The following ATP2B2 variants were observed in gnomAD, a reference collection of about 807,000 sequenced individuals.
The protein encoded by ATP2B2 is plasma membrane calcium-transporting ATPase 2.
ATP2B2 carries 15 observed loss-of-function variants against 120.0 expected under a neutral mutation model. The ratio of observed to expected loss-of-function variants is 0.12; its 90% CI spans 0.08 to 0.19. The LOEUF (loss-of-function observed/expected upper bound fraction) is 0.19, where lower values mean the gene tolerates loss of function less well. Ranked by LOEUF, ATP2B2 falls within the 10% of genes least tolerant of loss-of-function variation. The pLI, the probability that ATP2B2 is intolerant of heterozygous loss-of-function variation, is 1.00. For missense variants in ATP2B2, 1,045 were observed against 1,719.8 expected (o/e 0.61, Z 6.94); for synonymous variants, 694 against 700.3 (o/e 0.99, Z 0.14).
chr3:10,412,348 G>A (rs2062640124), intron 2 of ATP2B2, among the ~76,000 whole-genome samples: 1 of 152,188 alleles, frequency 6.6e-6, no homozygotes, highest in African/African-American at 2.4e-5. Flanking sequence ...GCGTGGCTCT[G>A]GTGGGGAAGA....
At chr3:10,657,274 G>A (rs148664898) in intron 1 of ATP2B2, among the ~76,000 whole-genome samples, 25 of 152,288 alleles carry the variant, frequency 1.6e-4, no homozygotes, top group African/African-American at 6.0e-4. Context: ...TGCACATGCC[G>A]TTCCCTCTTC....
At chr3:10,331,868 C>G in intron 22 of ATP2B2, 1 of 1,033,646 alleles carries the variant, frequency 9.7e-7, no homozygotes, top group Non-Finnish European at 1.4e-6. Flanking sequence ...AGAAAACGCA[C>G]AGGCCCTGGT....
intron 3 of ATP2B2, among the ~76,000 whole-genome samples, chr3:10,517,257 C>A (rs1037675552): frequency 1.3e-5 from 2 of 152,328 alleles, no homozygotes; most frequent in East Asian, 3.9e-4. Context: ...GGCGGGGAAC[C>A]TGCAAGTGTC....
intron 2 of ATP2B2, among the ~76,000 whole-genome samples, chr3:10,414,868 C>T (rs1028450737): frequency 6.6e-6 from 1 of 151,962 alleles, no homozygotes; most frequent in African/African-American, 2.4e-5. Context: ...GAAATAACAA[C>T]TCAGGGCATA....
intron 2 of ATP2B2, among the ~76,000 whole-genome samples, chr3:10,436,539 C>G (rs2063485251): frequency 6.6e-6 from 1 of 152,220 alleles, no homozygotes; most frequent in Admixed American, 6.5e-5. Context: ...ATACAAGGAC[C>G]AAAAGAAGCT....
chr3:10,549,489 G>A (rs2067622118), intron 2 of ATP2B2, among the ~76,000 whole-genome samples: 1 of 152,158 alleles, frequency 6.6e-6, no homozygotes, highest in Admixed American at 6.5e-5. Flanking sequence ...CTCAATGTGT[G>A]TTATCTGTAA....
chr3:10,545,672 T>A (rs899136878), intron 2 of ATP2B2, among the ~76,000 whole-genome samples: 1 of 152,252 alleles, frequency 6.6e-6, no homozygotes, highest in Non-Finnish European at 1.5e-5. Context: ...TAATTGGGAA[T>A]GCAGACATCA....
chr3:10,686,973 G>A (rs2071538646), intron 1 of ATP2B2, among the ~76,000 whole-genome samples: 1 of 152,218 alleles, frequency 6.6e-6, no homozygotes, highest in Non-Finnish European at 1.5e-5. Flanking sequence ...GGATATTAGA[G>A]AGGCACAGTT....
At chr3:10,662,354 C>G (rs2070807255) in intron 1 of ATP2B2, among the ~76,000 whole-genome samples, 1 of 150,550 alleles carries the variant, frequency 6.6e-6, no homozygotes, top group Non-Finnish European at 1.5e-5. Context: ...TGACAAAGGG[C>G]TAATATCCAG....
intron 2 of ATP2B2, among the ~76,000 whole-genome samples, chr3:10,590,065 G>A (rs1165632032): frequency 6.6e-6 from 1 of 152,162 alleles, no homozygotes; most frequent in Admixed American, 6.5e-5. Flanking sequence ...ACTACCTCTG[G>A]TGCATCCCTC....
intron 12 of ATP2B2, among the ~76,000 whole-genome samples, chr3:10,364,122 C>T (rs1224221974): frequency 6.6e-6 from 1 of 152,136 alleles, no homozygotes; most frequent in Non-Finnish European, 1.5e-5. Flanking sequence ...GTGAAATAAA[C>T]CAGTCACAAA....
intron 12 of ATP2B2, among the ~76,000 whole-genome samples, chr3:10,362,273 G>C (rs2060922229): frequency 6.6e-6 from 1 of 152,228 alleles, no homozygotes; most frequent in African/African-American, 2.4e-5. Context: ...GACTCAGGAA[G>C]ATGTCAGCAT....
intron 2 of ATP2B2, among the ~76,000 whole-genome samples, chr3:10,417,031 C>G (rs368477203): frequency 1.2e-4 from 15 of 128,060 alleles, no homozygotes; most frequent in African/African-American, 5.1e-4. Context: ...GATAGGGCGG[C>G]AGCCAGGCAG....
chr3:10,408,609 A>G (rs1311464376), intron 3 of ATP2B2, among the ~76,000 whole-genome samples: 2 of 152,136 alleles, frequency 1.3e-5, no homozygotes, highest in East Asian at 1.9e-4. Flanking sequence ...GGCCAGACAG[A>G]CTCGGGTTGA....
chr3:10,382,235 T>C (rs577468707), intron 8 of ATP2B2, among the ~76,000 whole-genome samples: 1 of 146,266 alleles, frequency 6.8e-6, no homozygotes, highest in East Asian at 2.0e-4. Context: ...GTGGTCTCAC[T>C]ATGATGTCTA....
intron 2 of ATP2B2, among the ~76,000 whole-genome samples, chr3:10,442,198 C>A (rs962424429): frequency 6.6e-6 from 1 of 152,138 alleles, no homozygotes; most frequent in Admixed American, 6.5e-5. Flanking sequence ...GCCTAATGCT[C>A]TGCCTAAAGT....
intron 2 of ATP2B2, among the ~76,000 whole-genome samples, chr3:10,552,820 G>A (rs772125573): frequency 6.6e-6 from 1 of 152,232 alleles, no homozygotes; most frequent in Non-Finnish European, 1.5e-5. Context: ...TCCAGGAAGT[G>A]CAACTGCTGA....
chr3:10,503,791 G>A (rs1347154009), intron 1 of ATP2B2, among the ~76,000 whole-genome samples: 1 of 152,252 alleles, frequency 6.6e-6, no homozygotes, highest in Non-Finnish European at 1.5e-5. Flanking sequence ...CAGCCCTCAG[G>A]TGGGTACACA....
chr3:10,410,802 G>A lies in ATP2B2; in HGVS notation c.213C>T (p.Thr71=), dbSNP rs774467801. 1.7e-5 allele frequency: 28 copies of A among 1,613,872 alleles called. No homozygotes were observed. Among genetic ancestry groups the A allele is most frequent in the South Asian group, 3.3e-5 (3 of 91,072 alleles). Residue 71 remains threonine, a synonymous_variant, in exon 3 of 23, where the codon ACC becomes ACT. Transcript: ENST00000360273. The part of the protein sequence containing the change: ...KTSPVEGLPG[T]APDLEKRKQI... ...GCTTTCTCTTTTCCAGGTCTGGAGC[G>A]GTGCCCGGCAAACCTGTGGACAGAG...
Sources: gnomAD v4.1 joint callset for allele counts (sites outside exome capture counted in the v4.1 genomes callset) on GRCh38, gnomAD v4.1.1 for gene constraint, MANE v1.5 for transcripts, NCBI Gene and HGNC (gene_info 2026-07-23, HGNC 2026-07-21) for gene names.